Variants in CAMTA2 observed in about 807,000 individuals in gnomAD.
CAMTA2 encodes the protein calmodulin binding transcription activator 2, also known as calmodulin-binding transcription activator 2.
Under a neutral mutation model 135.7 loss-of-function variants are expected in CAMTA2, and 56 were observed. The observed-to-expected ratio is 0.41, with a 90% CI of 0.33 to 0.52. The LOEUF is 0.52. CAMTA2 is among the 20% of genes least tolerant of loss of function. CAMTA2 has a pLI of 0.16. For missense variants in CAMTA2, 1,358 were observed against 1,553.4 expected, an observed-to-expected ratio of 0.87 and a Z score of 2.11; for synonymous variants, 591 against 604.6, an observed-to-expected ratio of 0.98 and a Z score of 0.33.
chr17:4,977,024 C>A (rs778093341), intron 11 of CAMTA2, 34 bp downstream of exon 11: 1 of 1,611,470 alleles, frequency 6.2e-7, no homozygotes, highest in Non-Finnish European at 8.5e-7. Context: ...AGGCTGTGGG[C>A]TGGATACTTG....
Position 4,981,758 on chromosome 17 carries a change from A to C in CAMTA2, c.485T>G (p.Ile162Ser). The change falls in exon 7 of 23, where the codon ATC becomes AGC. Residue 162 changes from isoleucine (I) to serine (S), a missense_variant. Physicochemically the swap from Ile to Ser is moderately radical, Grantham distance 142 (BLOSUM62 -2). Around this residue, in one of 4 missense-constraint regions of CAMTA2, gnomAD observed 1,077 missense variants for 1,127.5 expected, o/e 0.96. Transcript: ENST00000348066. ...LEDCGKGCSP[I>S]FCSISSDRRE... ...ACGGTCGCTGCTGATGGAACAAAAG[A>C]TGGGGCTGCAGCCCTTTCCACAGTC... 1 of 1,613,616 alleles carries C rather than the reference A, an allele frequency of 6.2e-7. No individual in the cohort carries two copies. Among genetic ancestry groups the C allele is most frequent in the Non-Finnish European group, 8.5e-7 (1 of 1,179,760 alleles).
At chr17:4,972,603 C>A in intron 15 of CAMTA2, 67 bp from the exon 16 acceptor site, 1 of 1,522,976 alleles carries the variant, frequency 6.6e-7, no homozygotes, top group South Asian at 1.1e-5. Flanking sequence ...AGTCTCCTGC[C>A]TTCCCCATCC....
chr17:4,973,944 A>G (rs1007343828), intron 12 of CAMTA2, 175 bp from the exon 13 acceptor site: 6 of 594,694 alleles, frequency 1.0e-5, no homozygotes, highest in Admixed American at 3.2e-5. Context: ...TTGCTCCCAC[A>G]GCCACTTCCT....
Position 4,985,955 on chromosome 17 carries a change from G to A in CAMTA2, c.60C>T (p.Leu20=). The A allele has an allele frequency of 1.2e-6, 2 of 1,613,982 alleles. No homozygotes were observed. Among genetic ancestry groups the A allele is most frequent in the South Asian group, 2.2e-5 (2 of 91,078 alleles). The stretch of plus-strand genomic sequence containing the variant: ...GAAGACACTCCAGCAGCTTCTTGGG[G>A]AGAAAGATCTTCAGGTGGTGGCTGT... ...AENSHHLKIF[L]PKKLLECLPR... The change falls in exon 3 of 23, where the codon CTC becomes CTT. Residue 20 remains leucine, a synonymous_variant. Transcript: ENST00000348066.
chr17:4,969,045 A>G lies in CAMTA2; in HGVS notation c.3471-64T>C. 6.3e-7 allele frequency: 1 copy of G among 1,590,364 alleles called. No homozygotes were observed. Among genetic ancestry groups the G allele is most frequent in the Non-Finnish European group, 8.6e-7 (1 of 1,162,292 alleles). ...TCGCATGCCTTCGGCCCCCCCAGGAACCCTAGGCAGGGAATGGCAGTGAGG... is the reference window on the plus strand; with the variant it reads ...TCGCATGCCTTCGGCCCCCCCAGGAGCCCTAGGCAGGGAATGGCAGTGAGG... On this transcript the variant is annotated intron_variant, in intron 21 of 22. Transcript: ENST00000348066. This position sits in a 1 kb window ranked among gnomAD's most constrained non-coding sequence, Gnocchi z 5.6.
At chr17:4,973,318 C>T in intron 13 of CAMTA2, 65 bp from the exon 14 acceptor site, 2 of 1,366,154 alleles carry the variant, frequency 1.5e-6, no homozygotes, top group African/African-American at 1.4e-5. Flanking sequence ...GCAGGAACAT[C>T]AGAAGTAAAG....
At chr17:4,981,571 T>C (rs771854821) in intron 7 of CAMTA2, 107 bp downstream of exon 7, 160 of 1,350,974 alleles carry the variant, frequency 1.2e-4, no homozygotes, top group Non-Finnish European at 1.5e-4. Context: ...CCTCCCAGCT[T>C]GGAGGGAGAT....
intron 1 of CAMTA2, 134 bp from the exon 2 acceptor site, chr17:4,986,420 T>A: frequency 1.7e-6 from 1 of 599,684 alleles, no homozygotes; most frequent in Non-Finnish European, 3.0e-6. Context: ...AGGGGCTGAC[T>A]GTGATGTGAC....
Position 4,969,953 on chromosome 17 carries a change from C to T in CAMTA2, c.3138G>A (p.Arg1046=). 6.2e-7 allele frequency: 1 copy of T among 1,613,960 alleles called. No homozygotes were observed. The highest frequency in any genetic ancestry group is 8.5e-7 in the Non-Finnish European group (1 of 1,179,968). The change falls in exon 18 of 23, where the codon CGG becomes CGA. Residue 1046 remains arginine, a synonymous_variant. Transcript: ENST00000348066. The surrounding 1 kb of genome is among the most constrained non-coding windows in gnomAD (Gnocchi z 5.6). ...TGACTCGGGCAGCCTCATACAGTTC[C>T]CGCTGCTCGTGATCTGATAGTGTCA... The part of the protein sequence containing the change: ...ALLTLSDHEQ[R]ELYEAARVIQ...
Position 4,972,888 on chromosome 17 carries a change from G to T in CAMTA2, c.2384C>A (p.Ser795Tyr). 1 of 1,613,928 alleles carries T rather than the reference G, an allele frequency of 6.2e-7. No homozygotes were observed. The highest frequency in any genetic ancestry group is 8.5e-7 in the Non-Finnish European group (1 of 1,180,020). Reference protein sequence around the residue: ...IPDSLGRLPLSVAHSRGHVRL... With the variant: ...IPDSLGRLPLYVAHSRGHVRL... The stretch of plus-strand genomic sequence containing the variant: ...CACATGACCCCGGGAATGAGCCACA[G>T]ACAATGGCAGACGGCCCAGAGAGTC... Residue 795 changes from serine to tyrosine, a missense_variant, in exon 15 of 23, where the codon TCT becomes TAT. This residue lies in a region of CAMTA2 where 1,077 missense variants were observed against 1,127.5 expected (regional missense o/e 0.96). Coordinates refer to ENST00000348066, the MANE Select transcript of CAMTA2 (RefSeq NM_015099.4).
chr17:4,978,311 G>A (rs779560749), intron 10 of CAMTA2, among the ~76,000 whole-genome samples, 193 bp downstream of exon 10: 5 of 152,184 alleles, frequency 3.3e-5, no homozygotes, highest in South Asian at 2.1e-4. Context: ...CCAGAACCTC[G>A]ATCTTCTGAC....
In CAMTA2 at chr17:4,977,084, G is replaced by A; in HGVS notation, c.1874C>T (p.Thr625Ile). Reference protein sequence around the residue: ...RARRFLSLPSTQLDWLSLDDN... With the variant: ...RARRFLSLPSIQLDWLSLDDN... ...GTCCAGTGACAGCCAGTCAAGTTGA[G>A]TACTAGGCAGAGACAGGAATCGGCG... Residue 625 changes from threonine (T) to isoleucine (I), a missense_variant, in exon 11 of 23, where the codon ACT becomes ATT. Coordinates refer to ENST00000348066, the MANE Select transcript of CAMTA2 (RefSeq NM_015099.4). The A allele has an allele frequency of 6.2e-7, 1 of 1,614,186 alleles. No homozygotes were observed. Among genetic ancestry groups the A allele is most frequent in the Non-Finnish European group, 8.5e-7 (1 of 1,180,032 alleles).
chr17:4,974,815 A>C, intron 11 of CAMTA2: 3 of 228,318 alleles, frequency 1.3e-5, no homozygotes, highest in South Asian at 6.1e-5. Flanking sequence ...ACCCGTACAC[A>C]CTCTTCCCCC....
Position 4,980,293 on chromosome 17 carries a change from G to A in CAMTA2, c.1029C>T (p.His343=), listed in dbSNP as rs117276029. 19,632 of 1,610,308 alleles carry A rather than the reference G, an allele frequency of 0.012. 184 individuals carry two copies. The highest frequency in any genetic ancestry group is 0.019 in the Middle Eastern group (117 of 6,052). Residue 343 remains histidine (H), a synonymous_variant, in exon 9 of 23, where the codon CAC becomes CAT. Coordinates refer to ENST00000348066, the MANE Select transcript of CAMTA2 (RefSeq NM_015099.4). The surrounding 1 kb of genome is among the most constrained non-coding windows in gnomAD (Gnocchi z 5.3). The part of the protein sequence containing the change: ...QRAGGLTPTR[H]LAPQADPRPS... ...GCCTAGGATCAGCCTGTGGAGCCAA[G>A]TGCCTGGTGGGCGTCAAGCCTCCAG... is the stretch of plus-strand genomic sequence containing the variant.
chr17:4,974,106 T>G (rs527418888), intron 12 of CAMTA2: 57 of 530,342 alleles, frequency 1.1e-4, no homozygotes, highest in African/African-American at 9.7e-4. Context: ...CACAGAGATC[T>G]GAGCCCCAGT....
intron 16 of CAMTA2, among the ~76,000 whole-genome samples, chr17:4,971,861 G>GT (rs1187441606): frequency 1.3e-5 from 2 of 151,840 alleles, no homozygotes; most frequent in Non-Finnish European, 2.9e-5. Flanking sequence ...GTTAATTTTT[G>GT]TATTTCTTGT....
intron 3 of CAMTA2, among the ~76,000 whole-genome samples, chr17:4,985,129 T>A (rs1973188084): frequency 6.6e-6 from 1 of 151,792 alleles, no homozygotes; most frequent in East Asian, 1.9e-4. Flanking sequence ...GGGGTTGCAG[T>A]GAGCCAAGAT....
intron 10 of CAMTA2, 96 bp downstream of exon 10, chr17:4,978,408 C>A: frequency 7.4e-7 from 1 of 1,356,174 alleles, no homozygotes. Flanking sequence ...CAAAACAACC[C>A]ATTTGTTCCC....
chr17:4,986,562 G>A, intron 1 of CAMTA2: 1 of 515,290 alleles, frequency 1.9e-6, no homozygotes, highest in Non-Finnish European at 3.4e-6. Context: ...GGCCTCAGAG[G>A]CCCTAAACCT....
Sources: allele counts gnomAD v4.1 joint callset (sites outside exome capture counted in the v4.1 genomes callset), GRCh38; gene constraint gnomAD v4.1.1; regional missense constraint gnomAD v4.1.1; non-coding constraint Gnocchi (gnomAD v3.1); transcripts MANE v1.5; gene names NCBI Gene and HGNC (gene_info 2026-07-23, HGNC 2026-07-21).